The following EPS15 variants were observed in gnomAD, a reference collection of about 807,000 sequenced individuals.
The protein encoded by EPS15 is epidermal growth factor receptor pathway substrate 15.
Under a neutral mutation model 113.8 loss-of-function variants are expected in EPS15, and 72 were observed. The observed-to-expected ratio is 0.63, with a 90% CI of 0.52 to 0.77. The LOEUF is 0.77. Ranked by LOEUF, EPS15 falls within the 30% of genes least tolerant of loss-of-function variation. The pLI is 0.00. For synonymous variants in EPS15, 344 were observed against 363.4 expected, an observed-to-expected ratio of 0.95 and a Z score of 0.61; for missense variants, 1,048 against 1,045.8, an observed-to-expected ratio of 1.00 and a Z score of -0.03.
At chr1:51,432,918 G>A (rs1651851076) in intron 12 of EPS15, among the ~76,000 whole-genome samples, 1 of 152,180 alleles carries the variant, frequency 6.6e-6, no homozygotes, top group Admixed American at 6.5e-5. Flanking sequence ...TTTAGTGTCA[G>A]TGTCACAGAT....
rs772634249 is a variant in EPS15 at position 51,447,117 on chromosome 1, A to G, written c.652-12T>C. 4.1e-5 allele frequency: 64 copies of G among 1,573,234 alleles called. No homozygotes were observed. Among genetic ancestry groups the G allele is most frequent in the Non-Finnish European group, 5.0e-5 (58 of 1,164,126 alleles). The stretch of plus-strand genomic sequence containing the variant: ...GGGGATACAACCCACTACAGGGAGG[A>G]AAAAAAACAGTATTTCTGCCAAAAT... On this transcript the variant is annotated splice_polypyrimidine_tract_variant and intron_variant, in intron 9 of 24. Transcript: ENST00000371733.
intron 1 of EPS15, among the ~76,000 whole-genome samples, chr1:51,508,186 GAGAAAAGAAAAGAAAAGAAA>G (rs763482561): frequency 0.15 from 11,879 of 80,888 alleles, 938 homozygotes; most frequent in Middle Eastern, 0.32. Flanking sequence ...GTCACAAAAA[GAGAAAAGAAAAGAAAAGAAA>G]AGAAAAGAAA....
intron 11 of EPS15, among the ~76,000 whole-genome samples, chr1:51,444,587 A>G (rs760518365): frequency 5.3e-5 from 8 of 152,232 alleles, no homozygotes; most frequent in African/African-American, 9.6e-5. Flanking sequence ...TCCTTTTATA[A>G]TCTATTCATA....
At chr1:51,389,935 T>C (rs1647215206) in intron 21 of EPS15, among the ~76,000 whole-genome samples, 1 of 152,218 alleles carries the variant, frequency 6.6e-6, no homozygotes, top group Non-Finnish European at 1.5e-5. Flanking sequence ...AAGCTACCAA[T>C]GACTTTCTTC....
chr1:51,420,703 A>T (rs1650672791), intron 13 of EPS15, among the ~76,000 whole-genome samples: 1 of 152,112 alleles, frequency 6.6e-6, no homozygotes, highest in South Asian at 2.1e-4. Context: ...TGCCTTCAGG[A>T]AAATTCAAGT....
In EPS15 at chr1:51,361,363, A is replaced by G; in HGVS notation, c.2360-8T>C. 1.9e-6 allele frequency: 3 copies of G among 1,603,058 alleles called. No homozygotes were observed. Among genetic ancestry groups the G allele is most frequent in the Non-Finnish European group, 2.6e-6 (3 of 1,171,602 alleles). ...TGTTGATGGATCTTTTCCCTGGATC[A>G]AAATCATTACAATTAATTCAACCAG... On this transcript the variant is annotated splice_region_variant and splice_polypyrimidine_tract_variant and intron_variant, in intron 23 of 24. Transcript: ENST00000371733.
At chr1:51,424,188 ACTTT>A (rs1315266186) in intron 12 of EPS15, among the ~76,000 whole-genome samples, 1 of 152,196 alleles carries the variant, frequency 6.6e-6, no homozygotes, top group Non-Finnish European at 1.5e-5. Context: ...CAATTATATC[ACTTT>A]CTATTAAAAA....
At chr1:51,435,038 T>A (rs1339807913) in intron 12 of EPS15, among the ~76,000 whole-genome samples, 2 of 151,972 alleles carry the variant, frequency 1.3e-5, no homozygotes, top group African/African-American at 2.4e-5. Context: ...ATTACTATGT[T>A]ATGTGTATTT....
intron 24 of EPS15, among the ~76,000 whole-genome samples, chr1:51,357,424 ATATTTT>A (rs1341661185): frequency 1.2e-4 from 8 of 68,178 alleles, no homozygotes; most frequent in South Asian, 5.6e-4. Flanking sequence ...ATATATATAT[ATATTTT>A]TTTTTTTTAA....
In EPS15 at chr1:51,477,748, A is replaced by G. The variant is rs1466422225; in HGVS notation, c.75+3525T>C. ...TTCAGGAGCAGGTTGTTCAGTTGCCATGTAGTTGAGTGGTTTTGAGTGAGT... is the reference window on the plus strand; with the variant it reads ...TTCAGGAGCAGGTTGTTCAGTTGCCGTGTAGTTGAGTGGTTTTGAGTGAGT... On this transcript the variant is annotated intron_variant, in intron 2 of 24. Coordinates refer to ENST00000371733, the MANE Select transcript of EPS15 (RefSeq NM_001981.3). Among the ~76,000 whole-genome samples the G allele has an allele frequency of 2.6e-5, 4 of 152,148 alleles. No homozygotes were observed. In the South Asian group the frequency reaches 8.3e-4, roughly 32 times the overall value.
At chr1:51,485,589 A>C (rs1644105129) in intron 1 of EPS15, among the ~76,000 whole-genome samples, 1 of 152,144 alleles carries the variant, frequency 6.6e-6, no homozygotes, top group Non-Finnish European at 1.5e-5. Context: ...ACAAACAAAA[A>C]CAAGTTTAAT....
At chr1:51,411,228 A>G (rs897874999) in intron 13 of EPS15, among the ~76,000 whole-genome samples, 1 of 152,224 alleles carries the variant, frequency 6.6e-6, no homozygotes, top group Non-Finnish European at 1.5e-5. Context: ...TAAAAATATC[A>G]TGTTGCTTTC....
chr1:51,486,658 GATATATTT>G (rs1347018994), intron 1 of EPS15, among the ~76,000 whole-genome samples: 5 of 151,994 alleles, frequency 3.3e-5, no homozygotes, highest in Admixed American at 6.6e-5. Context: ...TACTGAGACT[GATATATTT>G]ATAATTTTCT....
rs139494456 is a variant in EPS15 at position 51,372,500 on chromosome 1, T to C, written c.2120-6471A>G. On this transcript the variant is annotated intron_variant, in intron 21 of 24. Coordinates refer to ENST00000371733, the MANE Select transcript of EPS15 (RefSeq NM_001981.3). ...ACCATGATTATTTGGAAAACATGTATGGAATGTTTAAGAAAATTAATGCCA... is the reference window on the plus strand; with the variant it reads ...ACCATGATTATTTGGAAAACATGTACGGAATGTTTAAGAAAATTAATGCCA... 8.0e-4 allele frequency: 428 copies of C among 532,974 alleles called. 3 individuals carry two copies. The East Asian group carries it at 0.013, about 16-fold the overall frequency. The allele number at this position is 532,974 out of a possible 1,614,324, so 33.0% of individuals were successfully genotyped here.
At chr1:51,433,313 A>G (rs1479737050) in intron 12 of EPS15, among the ~76,000 whole-genome samples, 1 of 152,248 alleles carries the variant, frequency 6.6e-6, no homozygotes, top group African/African-American at 2.4e-5. Context: ...GATAAATACT[A>G]ACATGTATTG....
intron 12 of EPS15, among the ~76,000 whole-genome samples, chr1:51,437,260 C>T (rs1024993225): frequency 6.6e-6 from 1 of 151,996 alleles, no homozygotes; most frequent in Admixed American, 6.6e-5. Flanking sequence ...TTATATATAG[C>T]TTTCAATATT....
At chr1:51,428,483 T>C (rs1032731482) in intron 12 of EPS15, among the ~76,000 whole-genome samples, 1 of 149,812 alleles carries the variant, frequency 6.7e-6, no homozygotes, top group Non-Finnish European at 1.5e-5. Flanking sequence ...GTGACATCAA[T>C]AACATAACAG....
rs114307642 is a variant in EPS15 at position 51,416,114 on chromosome 1, G to A, written c.1113+5672C>T. ...CTCTCTTCCTGCTCTCTCCTCCCCC[G>A]CCATGCCCTTAACTAGAGCAGTGGA... is the stretch of plus-strand genomic sequence containing the variant. On this transcript the variant is annotated intron_variant, in intron 13 of 24. Transcript: ENST00000371733. Among the ~76,000 whole-genome samples, 925 of 151,998 alleles carry A rather than the reference G, an allele frequency of 6.1e-3. 9 individuals are homozygous for A. The highest frequency in any genetic ancestry group is 0.02 in the African/African-American group (849 of 41,454).
At chr1:51,472,088 A>G (rs1003983051) in intron 3 of EPS15, among the ~76,000 whole-genome samples, 16 of 151,966 alleles carry the variant, frequency 1.1e-4, no homozygotes, top group Admixed American at 2.0e-4. Flanking sequence ...TCTTCTTTCA[A>G]TGTGGCCCAC....
Sources: allele counts gnomAD v4.1 joint callset (sites outside exome capture counted in the v4.1 genomes callset), GRCh38; gene constraint gnomAD v4.1.1; transcripts MANE v1.5; gene names NCBI Gene and HGNC (gene_info 2026-07-23, HGNC 2026-07-21).